The following RBFOX1 variants were observed in gnomAD, a reference collection of about 807,000 sequenced individuals.
The protein encoded by RBFOX1 is RNA binding fox-1 homolog 1.
A neutral mutation model predicts 57.7 loss-of-function variants in RBFOX1; 8 were observed. The ratio of observed to expected loss-of-function variants is 0.14; its 90% CI spans 0.08 to 0.25. The LOEUF (loss-of-function observed/expected upper bound fraction) is 0.25. Among genes scored for constraint, RBFOX1 ranks in the 10% least tolerant of loss-of-function variants. The pLI is 1.00. For missense variants in RBFOX1, 611 were observed against 548.5 expected (o/e 1.11, Z -1.14); for synonymous variants, 326 against 222.4 (o/e 1.47, Z -4.15).
intron 1 of RBFOX1, among the ~76,000 whole-genome samples, chr16:6,157,781 C>G (rs550154615): frequency 2.0e-5 from 3 of 152,276 alleles, no homozygotes; most frequent in African/African-American, 7.2e-5. Flanking sequence ...ACTCTGCTCT[C>G]TGTTATATTT....
intron 1 of RBFOX1, among the ~76,000 whole-genome samples, chr16:5,396,282 T>G (rs2066552549): frequency 6.6e-6 from 1 of 152,200 alleles, no homozygotes; most frequent in Non-Finnish European, 1.5e-5. Flanking sequence ...CCAATATCCC[T>G]ACATCTCCCT....
chr16:7,693,282 G>A (rs373002146), intron 14 of RBFOX1: 177 of 1,601,836 alleles, frequency 1.1e-4, no homozygotes, highest in Middle Eastern at 1.7e-4. Flanking sequence ...CCCCCTGAGC[G>A]AGCAGTATTG....
At chr16:6,115,783 C>T (rs2096490760) in intron 1 of RBFOX1, among the ~76,000 whole-genome samples, 1 of 152,140 alleles carries the variant, frequency 6.6e-6, no homozygotes, top group African/African-American at 2.4e-5. Flanking sequence ...ATTCCCCAAT[C>T]CCTGGTCTAC....
At position 5,908,265 on chromosome 16, in the gene RBFOX1, CATAT is replaced by C. The variant is rs1273182800; in HGVS notation, c.351+40936_351+40939del. 2.3e-5 allele frequency among the ~76,000 whole-genome samples: 3 copies of C among 130,664 alleles called. No homozygotes were observed. The South Asian group carries it at 8.6e-4, about 37-fold the overall frequency. 85.7% of individuals were successfully genotyped at this position (130,664 alleles called of 152,430 possible). A position where few individuals can be genotyped will look rare whatever the true frequency, so the allele number is the denominator to read the frequency against. ...ATATACATACACACACATATATACA[CATAT>C]ATATACATACATATATATACACATA... On this transcript the variant is annotated intron_variant, in intron 4 of 19. Transcript: ENST00000641259.
chr16:7,389,010 G>A (rs898432645), intron 4 of RBFOX1, among the ~76,000 whole-genome samples: 3 of 152,162 alleles, frequency 2.0e-5, no homozygotes, highest in Non-Finnish European at 4.4e-5. Context: ...TTTAAAGTGT[G>A]ATACAAGTTC....
intron 2 of RBFOX1, among the ~76,000 whole-genome samples, chr16:6,349,999 A>G (rs985484875): frequency 6.6e-6 from 1 of 152,162 alleles, no homozygotes; most frequent in Admixed American, 6.5e-5. Flanking sequence ...CATGTAGAAA[A>G]GAGACTTTTA....
chr16:6,651,740 AATAGATACGT>A (rs1270413449), intron 2 of RBFOX1, among the ~76,000 whole-genome samples: 2 of 152,226 alleles, frequency 1.3e-5, no homozygotes, highest in African/African-American at 4.8e-5. Context: ...CAGGGAGTTG[AATAGATACGT>A]ACACACCCGT....
chr16:6,826,318 G>A (rs539863444), intron 3 of RBFOX1, among the ~76,000 whole-genome samples: 1 of 152,272 alleles, frequency 6.6e-6, no homozygotes, highest in South Asian at 2.1e-4. Context: ...TTCAAGACCA[G>A]CCTAGGCAAC....
chr16:7,394,038 C>A (rs1030768975), intron 4 of RBFOX1, among the ~76,000 whole-genome samples: 1 of 151,826 alleles, frequency 6.6e-6, no homozygotes, highest in African/African-American at 2.4e-5. Flanking sequence ...GAGTTGGAGA[C>A]CATCCTGGCC....
intron 4 of RBFOX1, among the ~76,000 whole-genome samples, chr16:7,153,741 AT>A (rs1233570902): frequency 4.0e-4 from 61 of 151,004 alleles, no homozygotes; most frequent in Non-Finnish European, 5.9e-4. Context: ...AAAAAAAAAA[AT>A]AAGGAAAGAA....
At chr16:6,926,143 T>C (rs563562799) in intron 3 of RBFOX1, among the ~76,000 whole-genome samples, 3 of 151,734 alleles carry the variant, frequency 2.0e-5, no homozygotes, top group Non-Finnish European at 2.9e-5. Flanking sequence ...CTGTCTCTAC[T>C]AAAAATACAA....
Position 6,062,806 on chromosome 16 carries a change from C to T in RBFOX1, c.-127+42814C>T, listed in dbSNP as rs77254602. Among the ~76,000 whole-genome samples the T allele has an allele frequency of 1.1e-3, 160 of 151,914 alleles. 3 individuals are homozygous for T. In the East Asian group the frequency reaches 0.027, roughly 25 times the overall value. The stretch of plus-strand genomic sequence containing the variant: ...GAATTGTCTCATGTGCTTCTAGGGG[C>T]GGCAAATATGAAATTTGTAGGGCAG... On this transcript the variant is annotated intron_variant, in intron 1 of 15. Transcript: ENST00000550418.
At chr16:6,939,731 C>T (rs1404821150) in intron 3 of RBFOX1, among the ~76,000 whole-genome samples, 1 of 152,040 alleles carries the variant, frequency 6.6e-6, no homozygotes, top group East Asian at 1.9e-4. Context: ...GGGCTGGTCT[C>T]AGACTCCTGG....
chr16:6,091,509 C>A (rs1014469001), intron 1 of RBFOX1, among the ~76,000 whole-genome samples: 3 of 144,528 alleles, frequency 2.1e-5, no homozygotes, highest in African/African-American at 8.1e-5. Context: ...CACTCCTCAA[C>A]TGACTACATG....
At chr16:6,333,138 C>G (rs962518978) in intron 2 of RBFOX1, among the ~76,000 whole-genome samples, 3 of 152,152 alleles carry the variant, frequency 2.0e-5, no homozygotes, top group South Asian at 2.1e-4. Context: ...CTCCCGGGCT[C>G]AAGCAATTCT....
intron 3 of RBFOX1, among the ~76,000 whole-genome samples, chr16:7,036,893 G>C (rs1479993042): frequency 6.6e-6 from 1 of 152,150 alleles, no homozygotes; most frequent in African/African-American, 2.4e-5. Context: ...GGGGCTGCTT[G>C]TTTCCCATTT....
At chr16:7,677,767 G>A (rs1003809064) in intron 14 of RBFOX1, among the ~76,000 whole-genome samples, 5 of 152,126 alleles carry the variant, frequency 3.3e-5, no homozygotes, top group Admixed American at 2.0e-4. Context: ...TATGTTTCAC[G>A]AATAAAACAA....
intron 4 of RBFOX1, among the ~76,000 whole-genome samples, chr16:7,106,044 C>T (rs570237902): frequency 6.6e-6 from 1 of 152,290 alleles, no homozygotes; most frequent in East Asian, 1.9e-4. Context: ...ATGGGACTGA[C>T]AGTTCTGGAA....
At chr16:6,037,841 C>T (rs1054508196) in intron 1 of RBFOX1, 2 of 152,154 alleles carry the variant, frequency 1.3e-5, no homozygotes, top group Admixed American at 1.3e-4. Flanking sequence ...ACAATCTGCC[C>T]ACCTCGGCCT....
Sources: gnomAD v4.1 joint callset for allele counts (sites outside exome capture counted in the v4.1 genomes callset) on GRCh38, gnomAD v4.1.1 for gene constraint, MANE v1.5 for transcripts, NCBI Gene and HGNC (gene_info 2026-07-23, HGNC 2026-07-21) for gene names.